Variants in MB21D2 observed in about 807,000 individuals in gnomAD.
MB21D2 encodes the protein nucleotidyltransferase MB21D2.
A neutral mutation model predicts 33.3 loss-of-function variants in MB21D2; 9 were observed. The observed-to-expected ratio is 0.27, with a 90% CI of 0.16 to 0.47. The LOEUF is 0.47. Among genes scored for constraint, MB21D2 ranks in the 20% least tolerant of loss-of-function variants. The pLI is 0.99. For synonymous variants in MB21D2, 241 were observed against 236.3 expected (o/e 1.02, Z -0.18); for missense variants, 540 against 624.6 (o/e 0.86, Z 1.44).
At chr3:192,853,038 CTCT>C (rs1441826816) in intron 1 of MB21D2, among the ~76,000 whole-genome samples, 1 of 151,590 alleles carries the variant, frequency 6.6e-6, no homozygotes, top group East Asian at 1.9e-4. Context: ...GTCTCTCTCT[CTCT>C]CTCTCTCTCT....
At chr3:192,904,441 C>T (rs1714164684) in intron 1 of MB21D2, among the ~76,000 whole-genome samples, 1 of 152,186 alleles carries the variant, frequency 6.6e-6, no homozygotes, top group Admixed American at 6.5e-5. Context: ...GATTTATTCT[C>T]AATACTTAAA....
intron 1 of MB21D2, among the ~76,000 whole-genome samples, chr3:192,851,477 CTT>C (rs929044761): frequency 7.4e-6 from 1 of 134,492 alleles, no homozygotes; most frequent in African/African-American, 2.8e-5. Flanking sequence ...AAATTGTACA[CTT>C]TTTTTTTGTC....
At chr3:192,800,735 G>A (rs1025803183) in intron 1 of MB21D2, among the ~76,000 whole-genome samples, 2 of 152,148 alleles carry the variant, frequency 1.3e-5, no homozygotes, top group African/African-American at 4.8e-5. Flanking sequence ...ACTGAGTTGT[G>A]AGCTGAACTA....
chr3:192,800,686 T>C (rs889461714), intron 1 of MB21D2, among the ~76,000 whole-genome samples: 2 of 152,226 alleles, frequency 1.3e-5, no homozygotes, highest in African/African-American at 4.8e-5. Flanking sequence ...TTCCTCATAC[T>C]GAAATAGGAA....
At chr3:192,864,033 T>A (rs1577187880) in intron 1 of MB21D2, among the ~76,000 whole-genome samples, 1 of 152,140 alleles carries the variant, frequency 6.6e-6, no homozygotes, top group African/African-American at 2.4e-5. Context: ...TGTCTTTACA[T>A]CAGTAGTGGA....
At chr3:192,810,779 CTTT>C (rs765880560) in intron 1 of MB21D2, among the ~76,000 whole-genome samples, 39 of 152,216 alleles carry the variant, frequency 2.6e-4, no homozygotes, top group Non-Finnish European at 5.0e-4. Context: ...TGTCTAAAGA[CTTT>C]TTAAGTATAA....
chr3:192,806,263 C>A (rs535021856), intron 1 of MB21D2, among the ~76,000 whole-genome samples: 3 of 152,184 alleles, frequency 2.0e-5, no homozygotes, highest in Non-Finnish European at 2.9e-5. Flanking sequence ...CTAAACAAGA[C>A]AACAATACAC....
Position 192,798,146 on chromosome 3 carries a change from C to A in MB21D2, c.*240G>T. 1 of 434,438 alleles carries A rather than the reference C, an allele frequency of 2.3e-6. No individual in the cohort carries two copies. The allele number at this position is 434,438 out of a possible 1,614,324, so 26.9% of individuals were successfully genotyped here. ...ATCTCCTTAAAAAGAAAAAAAACTCCAACAAACTAAAGAGCATGACAATAA... is the reference window on the plus strand; with the variant it reads ...ATCTCCTTAAAAAGAAAAAAAACTCAAACAAACTAAAGAGCATGACAATAA... On this transcript the variant is annotated 3_prime_UTR_variant, in exon 2 of 2. Transcript: ENST00000392452. The surrounding 1 kb of genome is among the most constrained non-coding windows in gnomAD (Gnocchi z 4.8).
At chr3:192,882,965 T>C (rs1429572889) in intron 1 of MB21D2, among the ~76,000 whole-genome samples, 1 of 152,004 alleles carries the variant, frequency 6.6e-6, no homozygotes, top group Non-Finnish European at 1.5e-5. Flanking sequence ...ACTCCTGACC[T>C]CAGGTAATCC....
At chr3:192,832,953 C>T (rs1306984701) in intron 1 of MB21D2, among the ~76,000 whole-genome samples, 1 of 152,134 alleles carries the variant, frequency 6.6e-6, no homozygotes, top group Non-Finnish European at 1.5e-5. Flanking sequence ...AGCTATCTAC[C>T]TATGTCAAAT....
chr3:192,861,107 C>G (rs189334032), intron 1 of MB21D2, among the ~76,000 whole-genome samples: 2 of 152,214 alleles, frequency 1.3e-5, no homozygotes, highest in Admixed American at 1.3e-4. Flanking sequence ...GGGAATTATT[C>G]TAACAACCCT....
rs553974222 is a variant in MB21D2, at chr3:192,871,937, G to A, written c.211+45693C>T. 1.1e-4 allele frequency among the ~76,000 whole-genome samples: 16 copies of A among 152,304 alleles called. No homozygotes were observed. In the South Asian group the frequency reaches 2.3e-3, roughly 22 times the overall value. On this transcript the variant is annotated intron_variant, in intron 1 of 1. Coordinates refer to ENST00000392452, the MANE Select transcript of MB21D2 (RefSeq NM_178496.4). ...CTTGGGTACTGGATAGAGACATCAC[G>A]TGGTGCTGAAACAGAAAAACCACCG... is the stretch of plus-strand genomic sequence containing the variant.
At chr3:192,908,402 T>C (rs549232090) in intron 1 of MB21D2, among the ~76,000 whole-genome samples, 71 of 136,724 alleles carry the variant, frequency 5.2e-4, no homozygotes, top group African/African-American at 1.9e-3. Context: ...TTTTCTTCTT[T>C]TTTTTTTTTT....
At position 192,797,871 on chromosome 3, in the gene MB21D2, C is replaced by A. The variant is rs1720556974; in HGVS notation, c.*515G>T. 1 of 153,190 alleles carries A rather than the reference C, an allele frequency of 6.5e-6. No individual in the cohort carries two copies. The highest frequency in any genetic ancestry group is 2.4e-5 in the African/African-American group (1 of 41,446). 9.5% of individuals were successfully genotyped at this position (153,190 alleles called of 1,614,324 possible). A position where few individuals can be genotyped will look rare whatever the true frequency, so the allele number is the denominator to read the frequency against. ...TTGGTGGAAAAGGGGGGAAACTACT[C>A]TGGTCACTGGCCAAAATAAATAAAT... On this transcript the variant is annotated 3_prime_UTR_variant, in exon 2 of 2. Transcript: ENST00000392452.
intron 1 of MB21D2, among the ~76,000 whole-genome samples, chr3:192,867,574 G>A (rs965995546): frequency 2.0e-5 from 3 of 152,092 alleles, no homozygotes; most frequent in African/African-American, 7.2e-5. Context: ...AGAGAAATTG[G>A]ACTAACTGCT....
intron 1 of MB21D2, among the ~76,000 whole-genome samples, chr3:192,832,444 A>G (rs1712334457): frequency 6.6e-6 from 1 of 152,240 alleles, no homozygotes; most frequent in South Asian, 2.1e-4. Flanking sequence ...AGTGATGGCA[A>G]ATTACACTAT....
At chr3:192,877,692 G>A (rs1448058458) in intron 1 of MB21D2, among the ~76,000 whole-genome samples, 1 of 152,160 alleles carries the variant, frequency 6.6e-6, no homozygotes, top group Non-Finnish European at 1.5e-5. Context: ...CTCAGCTCAA[G>A]GAATCTAGCT....
At chr3:192,879,445 G>A (rs1713512297) in intron 1 of MB21D2, among the ~76,000 whole-genome samples, 2 of 152,252 alleles carry the variant, frequency 1.3e-5, no homozygotes, top group Non-Finnish European at 2.9e-5. Flanking sequence ...CAAATGCGGT[G>A]ACTAAAACAA....
chr3:192,899,400 A>C (rs2133861), intron 1 of MB21D2, among the ~76,000 whole-genome samples: 4 of 151,988 alleles, frequency 2.6e-5, no homozygotes, highest in African/African-American at 9.7e-5. Flanking sequence ...ATGGTGGCGG[A>C]CGCCTGTAAT....
Sources: gnomAD v4.1 joint callset for allele counts (sites outside exome capture counted in the v4.1 genomes callset) on GRCh38, gnomAD v4.1.1 for gene constraint, Gnocchi (gnomAD v3.1) non-coding constraint, MANE v1.5 for transcripts, NCBI Gene and HGNC (gene_info 2026-07-23, HGNC 2026-07-21) for gene names.